Variants in CCSER1 observed in about 807,000 individuals in gnomAD.
CCSER1 encodes the protein coiled-coil serine rich protein 1, also known as serine-rich coiled-coil domain-containing protein 1.
Under a neutral mutation model 82.0 loss-of-function variants are expected in CCSER1, and 41 were observed. The ratio of observed to expected loss-of-function variants is 0.50; its 90% CI spans 0.39 to 0.65. CCSER1 has a LOEUF of 0.65. Among genes scored for constraint, CCSER1 ranks in the 30% least tolerant of loss-of-function variants. The pLI is 0.00. For synonymous variants in CCSER1, 414 were observed against 383.9 expected, an observed-to-expected ratio of 1.08 and a Z score of -0.92; for missense variants, 1,119 against 1,064.2, an observed-to-expected ratio of 1.05 and a Z score of -0.72.
chr4:91,560,709 T>C (rs975096789), intron 10 of CCSER1, among the ~76,000 whole-genome samples: 3 of 151,456 alleles, frequency 2.0e-5, no homozygotes, highest in Admixed American at 1.3e-4. Flanking sequence ...GATTTCTTTA[T>C]GGCAAATTAT....
intron 10 of CCSER1, among the ~76,000 whole-genome samples, chr4:91,316,926 A>G (rs373887827): frequency 1.3e-5 from 2 of 151,952 alleles, no homozygotes; most frequent in East Asian, 3.9e-4. Flanking sequence ...TGTCACTCAA[A>G]GGGTAACATG....
chr4:90,481,797 T>C (rs969969204), intron 5 of CCSER1, among the ~76,000 whole-genome samples: 88 of 152,370 alleles, frequency 5.8e-4, no homozygotes, highest in African/African-American at 2.0e-3. Flanking sequence ...GATTTTTGCA[T>C]TAATGTTCAT....
chr4:91,119,783 G>GA (rs1393741839), intron 10 of CCSER1, among the ~76,000 whole-genome samples: 1 of 151,926 alleles, frequency 6.6e-6, no homozygotes, highest in African/African-American at 2.4e-5. Context: ...ATAGATAATT[G>GA]AAAAAATTAT....
intron 9 of CCSER1, among the ~76,000 whole-genome samples, chr4:90,932,842 A>AAG (rs1554045967): frequency 6.9e-6 from 1 of 145,294 alleles, no homozygotes; most frequent in African/African-American, 2.6e-5. Context: ...AAAAAAAAAA[A>AAG]AAAGAAACAA....
At chr4:90,866,108 C>G (rs2150008580) in intron 8 of CCSER1, among the ~76,000 whole-genome samples, 1 of 152,006 alleles carries the variant, frequency 6.6e-6, no homozygotes. Context: ...GAGTCCCCAC[C>G]TCTGAAATTG....
intron 3 of CCSER1, among the ~76,000 whole-genome samples, chr4:90,352,291 T>TGAGATTGCGC (rs1318924348): frequency 6.6e-6 from 1 of 151,820 alleles, no homozygotes; most frequent in Non-Finnish European, 1.5e-5. Flanking sequence ...GCCACTGCAC[T>TGAGATTGCGC]CCAGCCTGGG....
intron 10 of CCSER1, among the ~76,000 whole-genome samples, chr4:91,342,536 T>C (rs902238461): frequency 6.6e-6 from 1 of 152,066 alleles, no homozygotes; most frequent in Non-Finnish European, 1.5e-5. Flanking sequence ...TAGGTACTAA[T>C]TTTTGTTTCT....
At chr4:90,865,470 T>C (rs1765616314) in intron 8 of CCSER1, among the ~76,000 whole-genome samples, 1 of 152,016 alleles carries the variant, frequency 6.6e-6, no homozygotes, top group Admixed American at 6.6e-5. Flanking sequence ...TTTTTAAATG[T>C]CTACCTTCCA....
intron 10 of CCSER1, among the ~76,000 whole-genome samples, chr4:91,499,385 A>G (rs1438368007): frequency 6.6e-6 from 1 of 151,912 alleles, no homozygotes; most frequent in Non-Finnish European, 1.5e-5. Context: ...TTCCCATATA[A>G]TCCCTGCCCC....
At chr4:91,127,094 C>T (rs554904355) in intron 10 of CCSER1, among the ~76,000 whole-genome samples, 10 of 152,070 alleles carry the variant, frequency 6.6e-5, no homozygotes, top group Admixed American at 2.6e-4. Context: ...ACAAACAGAA[C>T]TATGTATCAT....
intron 10 of CCSER1, among the ~76,000 whole-genome samples, chr4:91,159,899 T>A (rs1731203857): frequency 6.6e-6 from 1 of 151,912 alleles, no homozygotes; most frequent in Non-Finnish European, 1.5e-5. Context: ...TAACTAAAGC[T>A]AACTTTTTTT....
intron 4 of CCSER1, among the ~76,000 whole-genome samples, chr4:90,433,055 C>G (rs1253189663): frequency 5.3e-5 from 8 of 152,088 alleles, no homozygotes; most frequent in African/African-American, 1.9e-4. Context: ...CACAAAGCCT[C>G]TAAGTTTCTA....
chr4:90,163,850 A>C lies in CCSER1; in HGVS notation c.-42+36019A>C, dbSNP rs534030070. Reference sequence around the variant, plus strand: ...GATTTGTAGTAATAAAGTGGGAATGAAGTGGGGTTGGGAGGAGTGTATTCA... The same window carrying C: ...GATTTGTAGTAATAAAGTGGGAATGCAGTGGGGTTGGGAGGAGTGTATTCA... On this transcript the variant is annotated intron_variant, in intron 1 of 10. Coordinates refer to ENST00000509176, the MANE Select transcript of CCSER1 (RefSeq NM_001145065.2). Among the ~76,000 whole-genome samples the C allele has an allele frequency of 9.2e-5, 14 of 152,276 alleles. No homozygotes were observed. The South Asian group carries it at 2.1e-3, about 23-fold the overall frequency.
chr4:90,892,923 T>G (rs1215436425), intron 8 of CCSER1, among the ~76,000 whole-genome samples: 2 of 152,120 alleles, frequency 1.3e-5, no homozygotes, highest in Non-Finnish European at 2.9e-5. Flanking sequence ...TATATCACAT[T>G]TATATAAAAT....
In CCSER1 at chr4:90,558,200, T is replaced by C. The variant is rs575546246; in HGVS notation, c.1725-69825T>C. On this transcript the variant is annotated intron_variant, in intron 5 of 10. Coordinates refer to ENST00000509176, the MANE Select transcript of CCSER1 (RefSeq NM_001145065.2). ...AGTAGTTGCTACTACATGGTAGCAG[T>C]GTGTTTCTTTCTCTAGCATAGCTGG... Among the ~76,000 whole-genome samples the C allele has an allele frequency of 8.0e-4, 122 of 152,304 alleles. 1 individual carries two copies. The highest frequency in any genetic ancestry group is 2.7e-3 in the African/African-American group (114 of 41,592).
intron 1 of CCSER1, among the ~76,000 whole-genome samples, chr4:90,250,288 G>A (rs1419666352): frequency 6.6e-6 from 1 of 151,970 alleles, no homozygotes; most frequent in Non-Finnish European, 1.5e-5. Flanking sequence ...TTGTATCTAA[G>A]AAGGTTTTGT....
chr4:90,759,671 G>A (rs908552793), intron 7 of CCSER1, among the ~76,000 whole-genome samples: 5 of 152,192 alleles, frequency 3.3e-5, no homozygotes, highest in African/African-American at 1.2e-4. Flanking sequence ...CAACTCCAGT[G>A]AAGAACTCAC....
chr4:90,480,810 A>G (rs1238901855), intron 5 of CCSER1, among the ~76,000 whole-genome samples: 1 of 152,128 alleles, frequency 6.6e-6, no homozygotes, highest in East Asian at 1.9e-4. Flanking sequence ...GTCAGGTAGC[A>G]TGATGCCTCC....
intron 10 of CCSER1, among the ~76,000 whole-genome samples, chr4:91,468,815 A>G (rs1347616744): frequency 2.0e-5 from 3 of 152,140 alleles, no homozygotes; most frequent in Non-Finnish European, 4.4e-5. Flanking sequence ...TATCAGAAAT[A>G]TAAATGGTTG....
Sources: allele counts gnomAD v4.1 joint callset (sites outside exome capture counted in the v4.1 genomes callset), GRCh38; gene constraint gnomAD v4.1.1; transcripts MANE v1.5; gene names NCBI Gene and HGNC (gene_info 2026-07-23, HGNC 2026-07-21).